The following MCM10 variants were observed in gnomAD, a reference collection of about 807,000 sequenced individuals.
MCM10 encodes minichromosome maintenance 10 replication initiation factor.
A neutral mutation model predicts 109.9 loss-of-function variants in MCM10; 91 were observed. The ratio of observed to expected loss-of-function variants is 0.83; its 90% CI spans 0.70 to 0.99. The LOEUF (loss-of-function observed/expected upper bound fraction) is 0.99, where lower values mean the gene tolerates loss of function less well. MCM10 is among the 50% of genes least tolerant of loss of function. MCM10 has a pLI of 0.00. For missense variants in MCM10, 1,077 were observed against 1,061.2 expected (o/e 1.01, Z -0.21); for synonymous variants, 380 against 387.2 (o/e 0.98, Z 0.22).
At chr10:13,194,584 G>A (rs1462543002) in intron 13 of MCM10, among the ~76,000 whole-genome samples, 5 of 152,044 alleles carry the variant, frequency 3.3e-5, no homozygotes, top group South Asian at 2.1e-4. Flanking sequence ...TAAAATAATC[G>A]CTGCAAGTTA....
chr10:13,168,108 C>A (rs1269132963), intron 2 of MCM10, among the ~76,000 whole-genome samples: 2 of 152,176 alleles, frequency 1.3e-5, no homozygotes, highest in African/African-American at 4.8e-5. Flanking sequence ...ACCTGTGGCC[C>A]CCAGTGGTGT....
At chr10:13,207,830 T>C (rs1307639788) in intron 18 of MCM10, among the ~76,000 whole-genome samples, 1 of 152,162 alleles carries the variant, frequency 6.6e-6, no homozygotes, top group Admixed American at 6.5e-5. Flanking sequence ...TGGGTATGTC[T>C]TTACTAGCAG....
intron 2 of MCM10, 76 bp downstream of exon 2, chr10:13,164,285 AC>A: frequency 1.4e-6 from 2 of 1,424,290 alleles, no homozygotes; most frequent in Non-Finnish European, 1.9e-6. Context: ...TATTTATTCT[AC>A]CTGTAAAATG....
At position 13,171,066 on chromosome 10, in the gene MCM10, A is replaced by C; in HGVS notation, c.152A>C (p.Asp51Ala). The change falls in exon 3 of 20, where the codon GAC (aspartate) becomes GCC (alanine). Residue 51 changes from aspartate to alanine, a missense_variant. By Grantham distance (126) the Asp-to-Ala change is moderately radical (BLOSUM62 -2). Coordinates refer to ENST00000378714, the MANE Select transcript of MCM10 (RefSeq NM_018518.5). ...GATGAGCTCTTTGATGCCGACGGCG[A>C]CGGTGAATCTTATACAGAAGAGGCT... ...AFDELFDADGDGESYTEEADD... is the reference protein window; with the variant it reads ...AFDELFDADGAGESYTEEADD... 8 of 1,614,228 alleles carry C rather than the reference A, an allele frequency of 5.0e-6. No homozygotes were observed. The highest frequency in any genetic ancestry group is 6.8e-6 in the Non-Finnish European group (8 of 1,180,052).
chr10:13,167,902 C>T (rs74122558), intron 2 of MCM10, among the ~76,000 whole-genome samples: 1,748 of 152,288 alleles, frequency 0.011, 36 homozygotes, highest in African/African-American at 0.038. Context: ...ATCCGAGAAA[C>T]GTGCTGATAG....
intron 15 of MCM10, among the ~76,000 whole-genome samples, chr10:13,198,240 T>A (rs11258245): frequency 0.088 from 13,323 of 152,186 alleles, 824 homozygotes; most frequent in East Asian, 0.24. Flanking sequence ...GGAATGAAAT[T>A]GGGCACAATT....
chr10:13,178,523 T>A (rs896674889), intron 6 of MCM10, among the ~76,000 whole-genome samples: 1 of 152,240 alleles, frequency 6.6e-6, no homozygotes, highest in Non-Finnish European at 1.5e-5. Context: ...GTATGTTCTT[T>A]GCACCTTTGT....
In MCM10 at chr10:13,195,117, C is replaced by G; in HGVS notation, c.1822C>G (p.Arg608Gly). ...AAGACAGCCCCCTGCTCAGCCTCCA[C>G]GGACAGGATCCGAGTTCCCCAGGCT... ...SSRQPPAQPP[R>G]TGSEFPRLEG... Residue 608 changes from arginine (R) to glycine (G), a missense_variant, in exon 14 of 20, where the codon CGG becomes GGG. By Grantham distance (125) the Arg-to-Gly change is moderately radical. Coordinates refer to ENST00000378714, the MANE Select transcript of MCM10 (RefSeq NM_018518.5). 1.9e-6 allele frequency: 3 copies of G among 1,614,146 alleles called. No homozygotes were observed. Among genetic ancestry groups the G allele is most frequent in the South Asian group, 1.1e-5 (1 of 91,084 alleles).
At chr10:13,168,388 G>A (rs1165771760) in intron 2 of MCM10, among the ~76,000 whole-genome samples, 1 of 152,180 alleles carries the variant, frequency 6.6e-6, no homozygotes, top group Non-Finnish European at 1.5e-5. Context: ...GTAAGGGAGT[G>A]TAGAGTGGTG....
intron 1 of MCM10, among the ~76,000 whole-genome samples, chr10:13,163,480 G>A (rs957557286): frequency 3.3e-5 from 5 of 152,176 alleles, no homozygotes; most frequent in Non-Finnish European, 7.3e-5. Context: ...AATGAAAAGA[G>A]AAGTGCACAA....
intron 18 of MCM10, among the ~76,000 whole-genome samples, chr10:13,205,433 G>A (rs1588481481): frequency 6.6e-6 from 1 of 152,082 alleles, no homozygotes; most frequent in African/African-American, 2.4e-5. Context: ...GTCATCTCTT[G>A]ATGGGCATTT....
At chr10:13,204,393 C>G in intron 18 of MCM10, 29 bp downstream of exon 18, 2 of 1,609,706 alleles carry the variant, frequency 1.2e-6, no homozygotes, top group Non-Finnish European at 1.7e-6. Flanking sequence ...GCTCTTTGTC[C>G]CACGTGGGGA....
chr10:13,209,550 T>C lies in MCM10; in HGVS notation c.*240T>C, dbSNP rs1834630788. ...TCTTTTCTAAGCTCAGTGTGGATGA[T>C]TGCATTACTTCATTCACTGAAGTTT... On this transcript the variant is annotated 3_prime_UTR_variant, in exon 20 of 20. Coordinates refer to ENST00000378714, the MANE Select transcript of MCM10 (RefSeq NM_018518.5). The C allele has an allele frequency of 3.7e-6, 2 of 546,412 alleles. No homozygotes were observed. The highest frequency in any genetic ancestry group is 2.3e-5 in the South Asian group (1 of 42,776). 33.8% of individuals were successfully genotyped at this position (546,412 alleles called of 1,614,324 possible). A position where few individuals can be genotyped will look rare whatever the true frequency, so the allele number is the denominator to read the frequency against.
At chr10:13,192,187 G>A in intron 11 of MCM10, 68 bp from the exon 12 acceptor site, 2 of 954,702 alleles carry the variant, frequency 2.1e-6, no homozygotes, top group East Asian at 2.4e-5. Flanking sequence ...AGTTTAGAAA[G>A]TGGTATGTCA....
intron 14 of MCM10, among the ~76,000 whole-genome samples, chr10:13,195,869 C>T (rs1315506407): frequency 6.6e-6 from 1 of 151,962 alleles, no homozygotes. Flanking sequence ...TCCCAAAGTA[C>T]TAGGATTATA....
At chr10:13,181,601 G>A (rs944390503) in intron 7 of MCM10, among the ~76,000 whole-genome samples, 1 of 152,158 alleles carries the variant, frequency 6.6e-6, no homozygotes, top group Non-Finnish European at 1.5e-5. Flanking sequence ...TGATGGGTTA[G>A]TAGGTGCAGC....
chr10:13,180,764 G>T (rs1834200306), intron 7 of MCM10, among the ~76,000 whole-genome samples, 157 bp downstream of exon 7: 14 of 152,198 alleles, frequency 9.2e-5, no homozygotes. Context: ...GTATCCAGCG[G>T]GTATAAGCAA....
chr10:13,204,994 G>T (rs113827694), intron 18 of MCM10, among the ~76,000 whole-genome samples: 3 of 123,400 alleles, frequency 2.4e-5, no homozygotes, highest in African/African-American at 1.2e-4. Flanking sequence ...ATGTATGTAT[G>T]TATGTATGTA....
chr10:13,203,635 C>T lies in MCM10; in HGVS notation c.2353-584C>T, dbSNP rs773676099. ...TCAGTGTAATTCCCGGAAGTTACAT[C>T]GCTCTCTACTGCACATGTTTTGCTA... On this transcript the variant is annotated intron_variant, in intron 17 of 19. Coordinates refer to ENST00000378714, the MANE Select transcript of MCM10 (RefSeq NM_018518.5). Among the ~76,000 whole-genome samples the T allele has an allele frequency of 4.0e-4, 61 of 152,162 alleles. 1 individual carries two copies. Among genetic ancestry groups the T allele is most frequent in the Admixed American group, 3.6e-3 (55 of 15,280 alleles).
Sources: gnomAD v4.1 joint callset for allele counts (sites outside exome capture counted in the v4.1 genomes callset) on GRCh38, gnomAD v4.1.1 for gene constraint, MANE v1.5 for transcripts, NCBI Gene and HGNC (gene_info 2026-07-23, HGNC 2026-07-21) for gene names.